WDFY4: variants seen among roughly 807,000 people sequenced by gnomAD.
WDFY4 encodes the protein WD repeat- and FYVE domain-containing protein 4.
A neutral mutation model predicts 351.9 loss-of-function variants in WDFY4; 169 were observed. That is an observed-to-expected ratio of 0.48 (90% CI 0.42 to 0.55). The LOEUF (loss-of-function observed/expected upper bound fraction) is 0.55. WDFY4 is among the 20% of genes least tolerant of loss of function. The pLI, the probability that WDFY4 is intolerant of heterozygous loss-of-function variation, is 0.00. For synonymous variants in WDFY4, 1,622 were observed against 1,574.6 expected (o/e 1.03, Z -0.71); for missense variants, 3,803 against 3,935.6 (o/e 0.97, Z 0.90).
intron 30 of WDFY4, 131 bp from the exon 31 acceptor site, chr10:48,813,826 C>G (rs2067533147): frequency 8.8e-7 from 1 of 1,133,812 alleles, no homozygotes; most frequent in Admixed American, 3.3e-5. Flanking sequence ...ATGGATCAAC[C>G]ACCTAGGCTG....
At chr10:48,771,515 C>A (rs1355387846) in intron 13 of WDFY4, among the ~76,000 whole-genome samples, 1 of 152,166 alleles carries the variant, frequency 6.6e-6, no homozygotes, top group Admixed American at 6.5e-5. Flanking sequence ...TAGAAAAGGG[C>A]CTGCTGCAGC....
intron 47 of WDFY4, among the ~76,000 whole-genome samples, chr10:48,925,295 G>A (rs1263480061): frequency 6.6e-6 from 1 of 152,186 alleles, no homozygotes; most frequent in Non-Finnish European, 1.5e-5. Flanking sequence ...TCTAAAGAGA[G>A]GCGGGGCTGT....
At chr10:48,743,790 C>T (rs900429052) in intron 12 of WDFY4, among the ~76,000 whole-genome samples, 1 of 152,110 alleles carries the variant, frequency 6.6e-6, no homozygotes, top group Non-Finnish European at 1.5e-5. Context: ...CACATAAGAA[C>T]CAGGGAGGGC....
At chr10:48,790,680 A>C in intron 22 of WDFY4, 47 bp from the exon 23 acceptor site, 2 of 1,533,376 alleles carry the variant, frequency 1.3e-6, no homozygotes, top group Non-Finnish European at 1.8e-6. Context: ...TTCCCATTGC[A>C]ATGAAGCTGT....
intron 38 of WDFY4, among the ~76,000 whole-genome samples, chr10:48,831,535 T>C (rs545258684): frequency 5.3e-5 from 8 of 152,338 alleles, no homozygotes; most frequent in Non-Finnish European, 1.0e-4. Context: ...CCATGTATAT[T>C]GTCCCAGACT....
At position 48,815,115 on chromosome 10, in the gene WDFY4, C is replaced by A. The variant is rs184498420; in HGVS notation, c.5340+1033C>A. ...TAGCAGGTCAAAGTGTGCCTTCAGG[C>A]GTTTTCTTTTGGATGTACTTCTCAG... On this transcript the variant is annotated intron_variant, in intron 31 of 61. Transcript: ENST00000325239. Among the ~76,000 whole-genome samples the A allele has an allele frequency of 1.1e-4, 17 of 152,244 alleles. No individual in the cohort carries two copies. The East Asian group carries it at 3.3e-3, about 29-fold the overall frequency.
At chr10:48,889,743 A>G (rs1365043219) in intron 43 of WDFY4, among the ~76,000 whole-genome samples, 2 of 152,066 alleles carry the variant, frequency 1.3e-5, no homozygotes, top group South Asian at 2.1e-4. Flanking sequence ...GCACGGAGAA[A>G]GTTGATTGGG....
chr10:48,801,408 C>A, intron 24 of WDFY4: 1 of 427,558 alleles, frequency 2.3e-6, no homozygotes, highest in Non-Finnish European at 4.8e-6. Flanking sequence ...TTTCTTAGTT[C>A]TCTCAGCCCT....
chr10:48,748,202 A>G (rs2065070704), intron 12 of WDFY4, among the ~76,000 whole-genome samples: 1 of 152,234 alleles, frequency 6.6e-6, no homozygotes, highest in Non-Finnish European at 1.5e-5. Context: ...TGTCAGTATG[A>G]AAAGACATTT....
In WDFY4 at chr10:48,946,850, TTTG is replaced by T; in HGVS notation, c.7868-6_7868-4del. The T allele has an allele frequency of 6.4e-7, 1 of 1,550,484 alleles. No homozygotes were observed. The highest frequency in any genetic ancestry group is 8.7e-7 in the Non-Finnish European group (1 of 1,145,736). On this transcript the variant is annotated splice_polypyrimidine_tract_variant and splice_region_variant and intron_variant, in intron 50 of 61. Transcript: ENST00000325239. The stretch of plus-strand genomic sequence containing the variant: ...AGGAAGCAGCCCTCAAGCATGTGTT[TTTG>T]TTGCAGGAGACATGACTGTCCAGTG...
chr10:48,744,898 C>T (rs2064963358), intron 12 of WDFY4, among the ~76,000 whole-genome samples: 1 of 152,208 alleles, frequency 6.6e-6, no homozygotes, highest in African/African-American at 2.4e-5. Context: ...TTCTGTGACT[C>T]ATTTCTAACC....
intron 13 of WDFY4, among the ~76,000 whole-genome samples, chr10:48,761,395 G>A (rs1349607696): frequency 1.3e-5 from 2 of 152,172 alleles, no homozygotes; most frequent in Non-Finnish European, 2.9e-5. Context: ...AGGGTTGAGA[G>A]GAAGAGGCAA....
At chr10:48,905,074 C>T (rs1837549431) in intron 47 of WDFY4, among the ~76,000 whole-genome samples, 1 of 152,226 alleles carries the variant, frequency 6.6e-6, no homozygotes, top group Non-Finnish European at 1.5e-5. Flanking sequence ...ATTGTCTCTG[C>T]AGCTCACCCT....
At chr10:48,773,923 T>C (rs2065946024) in intron 13 of WDFY4, among the ~76,000 whole-genome samples, 1 of 152,110 alleles carries the variant, frequency 6.6e-6, no homozygotes, top group African/African-American at 2.4e-5. Flanking sequence ...ACACAGGAAC[T>C]GTTAGGGGAG....
chr10:48,723,413 C>A lies in WDFY4; in HGVS notation c.457-20C>A. ...TCTGCTGCCTTGCTGCCTGGGGTCA[C>A]GTGTGCTCTTCTCTTGCAGGAGACG... On this transcript the variant is annotated intron_variant, in intron 4 of 61. Transcript: ENST00000325239. 3.2e-6 allele frequency: 5 copies of A among 1,548,294 alleles called. No individual in the cohort carries two copies. In the South Asian group the frequency reaches 6.0e-5, roughly 18 times the overall value.
At chr10:48,771,132 C>T (rs1350361431) in intron 13 of WDFY4, among the ~76,000 whole-genome samples, 1 of 152,154 alleles carries the variant, frequency 6.6e-6, no homozygotes, top group East Asian at 1.9e-4. Context: ...GTGACAGGGG[C>T]CTGGGTGAGC....
intron 42 of WDFY4, 34 bp downstream of exon 42, chr10:48,875,174 TA>T: frequency 8.3e-7 from 1 of 1,209,336 alleles, no homozygotes; most frequent in Non-Finnish European, 1.1e-6. Flanking sequence ...CTTTAATAGT[TA>T]AGCTAATTAT....
At chr10:48,712,186 C>T (rs1039794249) in intron 2 of WDFY4, among the ~76,000 whole-genome samples, 1 of 152,224 alleles carries the variant, frequency 6.6e-6, no homozygotes, top group African/African-American at 2.4e-5. Flanking sequence ...TAGTTGTGTG[C>T]TGTTGAGCAA....
chr10:48,832,764 A>G (rs949483116), intron 39 of WDFY4, 55 bp downstream of exon 39: 4 of 1,460,912 alleles, frequency 2.7e-6, no homozygotes, highest in Middle Eastern at 1.8e-4. Flanking sequence ...TTCAAACCCC[A>G]TGAGTCATAT....
Sources: allele counts gnomAD v4.1 joint callset (sites outside exome capture counted in the v4.1 genomes callset), GRCh38; gene constraint gnomAD v4.1.1; transcripts MANE v1.5; gene names NCBI Gene and HGNC (gene_info 2026-07-23, HGNC 2026-07-21).